The following AHCYL2 variants were observed in gnomAD, a reference collection of about 807,000 sequenced individuals.
AHCYL2 encodes the protein adenosylhomocysteinase like 2.
AHCYL2 carries 28 observed loss-of-function variants against 81.4 expected under a neutral mutation model. The ratio of observed to expected loss-of-function variants is 0.34; its 90% CI spans 0.25 to 0.47. AHCYL2 has a LOEUF of 0.47. Among genes scored for constraint, AHCYL2 ranks in the 20% least tolerant of loss-of-function variants. AHCYL2 has a pLI of 1.00. For missense variants in AHCYL2, 551 were observed against 785.1 expected (o/e 0.70, Z 3.56); for synonymous variants, 272 against 290.2 (o/e 0.94, Z 0.64).
intron 1 of AHCYL2, among the ~76,000 whole-genome samples, chr7:129,317,206 C>T (rs74711701): frequency 9.5e-4 from 144 of 152,282 alleles, no homozygotes; most frequent in African/African-American, 3.3e-3. Context: ...GGCTTCTTGA[C>T]TTCCATCTGC....
At position 129,389,754 on chromosome 7, in the gene AHCYL2, C is replaced by A. The variant is rs535622217; in HGVS notation, c.720+20C>A. On this transcript the variant is annotated intron_variant, in intron 4 of 16. Transcript: ENST00000325006. ...ACTGCTGTGAGTTCTTTTCTTTTCT[C>A]CTTTTAATTACAATAGTTAATAATA... 2 of 1,588,578 alleles carry A rather than the reference C, an allele frequency of 1.3e-6. No individual in the cohort carries two copies. The highest frequency in any genetic ancestry group is 3.7e-5 in the Admixed American group (2 of 54,280).
intron 6 of AHCYL2, among the ~76,000 whole-genome samples, chr7:129,401,253 C>T (rs1315017721): frequency 1.3e-5 from 2 of 151,952 alleles, no homozygotes; most frequent in Non-Finnish European, 2.9e-5. Flanking sequence ...TCACTTGAGC[C>T]CAGGAGGTGG....
intron 1 of AHCYL2, among the ~76,000 whole-genome samples, chr7:129,375,460 A>G (rs1794634153): frequency 6.6e-6 from 1 of 152,206 alleles, no homozygotes; most frequent in African/African-American, 2.4e-5. Flanking sequence ...GTTGAAAAGG[A>G]ACCTAATTAG....
intron 1 of AHCYL2, among the ~76,000 whole-genome samples, chr7:129,333,363 T>C (rs1798488806): frequency 6.6e-6 from 1 of 150,894 alleles, no homozygotes; most frequent in East Asian, 1.9e-4. Context: ...TCTAATTGAA[T>C]GTGCCCTAGA....
chr7:129,412,347 A>G (rs920624202), intron 11 of AHCYL2, among the ~76,000 whole-genome samples: 3 of 148,724 alleles, frequency 2.0e-5, no homozygotes, highest in African/African-American at 7.5e-5. Context: ...GTGGCGCGAT[A>G]CTGGCTCACT....
intron 1 of AHCYL2, among the ~76,000 whole-genome samples, chr7:129,293,451 G>A (rs1044602045): frequency 1.3e-5 from 2 of 151,978 alleles, no homozygotes; most frequent in African/African-American, 2.4e-5. Flanking sequence ...CAAGACCAGC[G>A]GATCACTTGA....
At chr7:129,266,096 C>A (rs374936962) in intron 1 of AHCYL2, among the ~76,000 whole-genome samples, 1 of 152,148 alleles carries the variant, frequency 6.6e-6, no homozygotes, top group East Asian at 1.9e-4. Flanking sequence ...TCAGTGTCTT[C>A]CTGTTTTAGT....
rs1433273301 is a variant in AHCYL2 at position 129,350,719 on chromosome 7, T to C, written c.364-28919T>C. Among the ~76,000 whole-genome samples, 23 of 149,962 alleles carry C rather than the reference T, an allele frequency of 1.5e-4. No individual in the cohort carries two copies. The East Asian group carries it at 1.8e-3, about 11-fold the overall frequency. ...TTCTTTTTCTTTCTTTCTTTCTTTTTTTTTTTTTTTTTATCTTTTAGGGAT... is the reference window on the plus strand; with the variant it reads ...TTCTTTTTCTTTCTTTCTTTCTTTTCTTTTTTTTTTTTATCTTTTAGGGAT... On this transcript the variant is annotated intron_variant, in intron 1 of 16. Transcript: ENST00000325006.
chr7:129,271,148 G>A (rs1394599677), intron 1 of AHCYL2, among the ~76,000 whole-genome samples: 2 of 151,918 alleles, frequency 1.3e-5, no homozygotes, highest in African/African-American at 2.4e-5. Flanking sequence ...GGATCACGAG[G>A]TCAGGAGATG....
chr7:129,246,471 A>G (rs1351914945), intron 1 of AHCYL2, among the ~76,000 whole-genome samples: 2 of 152,098 alleles, frequency 1.3e-5, no homozygotes, highest in Non-Finnish European at 2.9e-5. Context: ...CCTCTGCCCC[A>G]GGTAACTACT....
intron 1 of AHCYL2, among the ~76,000 whole-genome samples, chr7:129,261,263 T>A (rs1795629631): frequency 6.6e-6 from 1 of 152,236 alleles, no homozygotes. Context: ...TTAATCTTTA[T>A]AGATAGGTTT....
chr7:129,398,803 G>A (rs539404648), intron 5 of AHCYL2, among the ~76,000 whole-genome samples: 1 of 152,066 alleles, frequency 6.6e-6, no homozygotes, highest in Admixed American at 6.5e-5. Flanking sequence ...TATAAATAAT[G>A]ATGATACAAG....
intron 1 of AHCYL2, 111 bp downstream of exon 1, chr7:129,225,550 G>T: frequency 7.2e-7 from 1 of 1,387,184 alleles, no homozygotes. Flanking sequence ...TCGCAGGACC[G>T]GAGATACCCC....
intron 1 of AHCYL2, among the ~76,000 whole-genome samples, chr7:129,348,252 A>G (rs1793430668): frequency 6.6e-6 from 1 of 152,254 alleles, no homozygotes; most frequent in South Asian, 2.1e-4. Context: ...TCTATAAAAT[A>G]GAACAATGTG....
intron 1 of AHCYL2, among the ~76,000 whole-genome samples, chr7:129,288,299 C>A (rs1162753433): frequency 6.6e-6 from 1 of 151,736 alleles, no homozygotes; most frequent in Non-Finnish European, 1.5e-5. Flanking sequence ...TCTGTGGTGT[C>A]TTTTAACGTG....
chr7:129,281,778 G>A (rs570784295), intron 1 of AHCYL2, among the ~76,000 whole-genome samples: 3 of 152,220 alleles, frequency 2.0e-5, no homozygotes, highest in South Asian at 4.1e-4. Context: ...GATTACAGGC[G>A]TGAGCCACTG....
At chr7:129,227,581 C>T (rs1283708990) in intron 1 of AHCYL2, among the ~76,000 whole-genome samples, 2 of 137,952 alleles carry the variant, frequency 1.4e-5, no homozygotes, top group African/African-American at 2.7e-5. Flanking sequence ...AGCACTCTAG[C>T]CTGGGTGCTG....
At chr7:129,362,611 T>TG (rs1237678034) in intron 1 of AHCYL2, among the ~76,000 whole-genome samples, 2 of 145,650 alleles carry the variant, frequency 1.4e-5, no homozygotes, top group African/African-American at 5.0e-5. Flanking sequence ...TTTTTTTTTT[T>TG]TTTTTTTTTT....
At chr7:129,241,174 A>G (rs1260252400) in intron 1 of AHCYL2, among the ~76,000 whole-genome samples, 3 of 152,234 alleles carry the variant, frequency 2.0e-5, no homozygotes, top group Admixed American at 6.5e-5. Flanking sequence ...GAAAGTTTCT[A>G]TCACACCAAG....
Sources: gnomAD v4.1 joint callset for allele counts (sites outside exome capture counted in the v4.1 genomes callset) on GRCh38, gnomAD v4.1.1 for gene constraint, MANE v1.5 for transcripts, NCBI Gene and HGNC (gene_info 2026-07-23, HGNC 2026-07-21) for gene names.